RYR3: variants seen among roughly 807,000 people sequenced by gnomAD.
The protein encoded by RYR3 is ryanodine receptor 3.
In RYR3, 207 loss-of-function variants were observed where a neutral mutation model predicts 584.3. That is an observed-to-expected ratio of 0.35 (90% CI 0.32 to 0.40). The LOEUF (loss-of-function observed/expected upper bound fraction) is 0.40. Among genes scored for constraint, RYR3 ranks in the 10% least tolerant of loss-of-function variants. RYR3 has a pLI of 1.00. For missense variants in RYR3, 5,616 were observed against 6,089.2 expected (o/e 0.92, Z 2.59); for synonymous variants, 2,416 against 2,248.5 (o/e 1.07, Z -2.11).
chr15:33,833,649 G>A (rs751806660), intron 86 of RYR3, among the ~76,000 whole-genome samples: 34 of 152,172 alleles, frequency 2.2e-4, no homozygotes, highest in Non-Finnish European at 3.5e-4. Flanking sequence ...CATGGAGCAC[G>A]AACCCAAAAG....
At chr15:33,763,892 CAAAAAAA>C (rs796878162) in intron 60 of RYR3, among the ~76,000 whole-genome samples, 7 of 45,872 alleles carry the variant, frequency 1.5e-4, no homozygotes, top group South Asian at 1.2e-3. Flanking sequence ...GACTTCATCT[CAAAAAAA>C]AAAAAAAAAA....
intron 1 of RYR3, among the ~76,000 whole-genome samples, chr15:33,350,830 C>T (rs1973145235): frequency 6.6e-6 from 1 of 151,508 alleles, no homozygotes. Context: ...AATTGACACC[C>T]TAACATCACA....
intron 47 of RYR3, 120 bp from the exon 48 acceptor site, chr15:33,731,353 CT>C (rs2068933852): frequency 1.2e-5 from 8 of 657,416 alleles, no homozygotes; most frequent in Middle Eastern, 4.0e-4. Context: ...TGTTCACTGC[CT>C]TGCTATGCAA....
chr15:33,446,935 A>G (rs996361228), intron 1 of RYR3, among the ~76,000 whole-genome samples: 6 of 152,156 alleles, frequency 3.9e-5, no homozygotes, highest in Admixed American at 3.9e-4. Flanking sequence ...GCTCTCAGAA[A>G]ACTTTTTTCC....
intron 82 of RYR3, 200 bp downstream of exon 82, chr15:33,825,876 G>T: frequency 1.9e-6 from 1 of 528,760 alleles, no homozygotes; most frequent in South Asian, 2.3e-5. Context: ...GGGATTACAG[G>T]CTCCCACCAC....
intron 2 of RYR3, among the ~76,000 whole-genome samples, chr15:33,498,193 C>T (rs974035132): frequency 2.0e-5 from 3 of 152,074 alleles, no homozygotes; most frequent in African/African-American, 7.2e-5. Context: ...CTTCAATATA[C>T]TGATTTCATT....
chr15:33,664,587 G>GTATATATATATATA (rs879709155), intron 36 of RYR3, among the ~76,000 whole-genome samples: 3 of 42,626 alleles, frequency 7.0e-5, no homozygotes, highest in African/African-American at 2.2e-4. Flanking sequence ...GTGTGTGTGT[G>GTATATATATATATA]TGTATATATA....
intron 74 of RYR3, among the ~76,000 whole-genome samples, chr15:33,816,227 C>G (rs537075100): frequency 6.6e-6 from 1 of 152,214 alleles, no homozygotes; most frequent in East Asian, 1.9e-4. Flanking sequence ...TCCCAGAAGT[C>G]AATCCTGGCT....
chr15:33,678,163 C>G (rs2064314910), intron 38 of RYR3, among the ~76,000 whole-genome samples: 1 of 152,142 alleles, frequency 6.6e-6, no homozygotes, highest in African/African-American at 2.4e-5. Context: ...ACAGGAAGCT[C>G]TTAGTAAATG....
At chr15:33,722,546 C>G (rs2068017062) in intron 43 of RYR3, 169 bp from the exon 44 acceptor site, 1 of 645,170 alleles carries the variant, frequency 1.5e-6, no homozygotes, top group Non-Finnish European at 2.7e-6. Context: ...CAATCAGTTA[C>G]AGATGTCTTA....
intron 57 of RYR3, among the ~76,000 whole-genome samples, chr15:33,752,657 A>C (rs138136346): frequency 0.015 from 2,248 of 152,340 alleles, 26 homozygotes; most frequent in Middle Eastern, 0.027. Context: ...TTCTAAGTAT[A>C]CAATCATGTC....
Position 33,639,562 on chromosome 15 carries a change from C to A in RYR3, c.3556+3012C>A, listed in dbSNP as rs147122672. ...CATGCATTGTAGCGCCTACCTCCCC[C>A]CACCCCGTAAAGCAAAATGCCCGAC... On this transcript the variant is annotated intron_variant, in intron 27 of 103. Transcript: ENST00000634891. Among the ~76,000 whole-genome samples, 56 of 152,256 alleles carry A rather than the reference C, an allele frequency of 3.7e-4. 3 individuals are homozygous for A. In the East Asian group the frequency reaches 8.9e-3, roughly 24 times the overall value.
chr15:33,379,396 C>G (rs10438372), intron 1 of RYR3, among the ~76,000 whole-genome samples: 1 of 152,032 alleles, frequency 6.6e-6, no homozygotes, highest in African/African-American at 2.4e-5. Context: ...GACATTGGAA[C>G]TGGGCATTTG....
At chr15:33,437,627 G>C (rs1302267322) in intron 1 of RYR3, among the ~76,000 whole-genome samples, 3 of 152,244 alleles carry the variant, frequency 2.0e-5, no homozygotes, top group African/African-American at 7.2e-5. Flanking sequence ...GATAACTGTT[G>C]AGTGAGCCAG....
intron 29 of RYR3, 138 bp downstream of exon 29, chr15:33,646,664 G>A: frequency 2.7e-6 from 2 of 754,712 alleles, no homozygotes; most frequent in Non-Finnish European, 4.2e-6. Context: ...AAAAGAAAAT[G>A]AGAATGTATG....
rs560718547 is a variant in RYR3, at chr15:33,828,304, G to A, written c.11334+1017G>A. ...ACATAACAGTATTGAAGTTAGGTCA[G>A]TTAATTTCCCTACAGTGGCCTCCAA... On this transcript the variant is annotated intron_variant, in intron 85 of 103. Coordinates refer to ENST00000634891, the MANE Select transcript of RYR3 (RefSeq NM_001036.6). 2.0e-5 allele frequency among the ~76,000 whole-genome samples: 3 copies of A among 152,246 alleles called. No individual in the cohort carries two copies. The East Asian group carries it at 5.8e-4, about 29-fold the overall frequency.
At chr15:33,570,814 A>G (rs948738876) in intron 12 of RYR3, among the ~76,000 whole-genome samples, 10 of 129,912 alleles carry the variant, frequency 7.7e-5, no homozygotes, top group Admixed American at 7.0e-4. Context: ...TATGTATTTG[A>G]TTCTTTTTGG....
chr15:33,437,208 C>T (rs1448023449), intron 1 of RYR3, among the ~76,000 whole-genome samples: 2 of 151,788 alleles, frequency 1.3e-5, no homozygotes, highest in Non-Finnish European at 1.5e-5. Flanking sequence ...CCTATTAAGC[C>T]TGGAGTTTGT....
At chr15:33,777,287 G>T (rs1309057375) in intron 64 of RYR3, among the ~76,000 whole-genome samples, 1 of 152,112 alleles carries the variant, frequency 6.6e-6, no homozygotes, top group Non-Finnish European at 1.5e-5. Flanking sequence ...GGGAAGCTTG[G>T]CCCATACCAA....
Sources: allele counts gnomAD v4.1 joint callset (sites outside exome capture counted in the v4.1 genomes callset), GRCh38; gene constraint gnomAD v4.1.1; transcripts MANE v1.5; gene names NCBI Gene and HGNC (gene_info 2026-07-23, HGNC 2026-07-21).